Variants in RELN observed in about 807,000 individuals in gnomAD.
RELN encodes the protein reelin.
RELN carries 108 observed loss-of-function variants against 427.6 expected under a neutral mutation model. The observed-to-expected ratio is 0.25, with a 90% CI of 0.22 to 0.30. RELN has a LOEUF of 0.30. Ranked by LOEUF, RELN falls within the 10% of genes least tolerant of loss-of-function variation. The pLI is 1.00. For missense variants in RELN, 3,715 were observed against 4,302.8 expected, an observed-to-expected ratio of 0.86 and a Z score of 3.82; for synonymous variants, 1,524 against 1,513.4, an observed-to-expected ratio of 1.01 and a Z score of -0.16.
intron 1 of RELN, among the ~76,000 whole-genome samples, chr7:103,937,907 G>GAC (rs1796021868): frequency 6.6e-6 from 1 of 152,188 alleles, no homozygotes; most frequent in Non-Finnish European, 1.5e-5. Context: ...GGCAAATAGA[G>GAC]ATATATCTGA....
Position 103,989,107 on chromosome 7 carries a change from G to A in RELN, c.226+24C>T. On this transcript the variant is annotated intron_variant, in intron 1 of 64. Coordinates refer to ENST00000428762, the MANE Select transcript of RELN (RefSeq NM_005045.4). The surrounding 1 kb of genome is among the most constrained non-coding windows in gnomAD (Gnocchi z 4.9). Reference sequence around the variant, plus strand: ...TGGCGGGCGCACCCGGCGGCGGCGAGCGCGGAGGTGCTGCGGTACCTACCA... The same window carrying A: ...TGGCGGGCGCACCCGGCGGCGGCGAACGCGGAGGTGCTGCGGTACCTACCA... 1.2e-6 allele frequency: 2 copies of A among 1,606,364 alleles called. No individual in the cohort carries two copies. The highest frequency in any genetic ancestry group is 1.7e-6 in the Non-Finnish European group (2 of 1,174,082).
intron 41 of RELN, among the ~76,000 whole-genome samples, chr7:103,548,265 A>G (rs1048985556): frequency 6.6e-6 from 1 of 152,242 alleles, no homozygotes; most frequent in Non-Finnish European, 1.5e-5. Flanking sequence ...AGAACATTTA[A>G]TACACTTTTT....
intron 49 of RELN, among the ~76,000 whole-genome samples, chr7:103,517,130 A>G (rs893609952): frequency 1.1e-4 from 16 of 148,836 alleles, no homozygotes; most frequent in African/African-American, 2.5e-4. Context: ...TCCGAAGTCT[A>G]TTTCCTCATT....
intron 12 of RELN, among the ~76,000 whole-genome samples, chr7:103,658,944 C>T (rs891639645): frequency 1.3e-5 from 2 of 151,786 alleles, no homozygotes; most frequent in African/African-American, 2.4e-5. Flanking sequence ...TCTCAGTCTC[C>T]TTTACTACTA....
intron 51 of RELN, among the ~76,000 whole-genome samples, chr7:103,508,292 A>G (rs1389534729): frequency 6.6e-6 from 1 of 152,190 alleles, no homozygotes; most frequent in East Asian, 1.9e-4. Flanking sequence ...TTGATAAAAT[A>G]CTGGCAAACC....
intron 1 of RELN, among the ~76,000 whole-genome samples, chr7:103,967,139 T>C (rs961949548): frequency 6.6e-6 from 1 of 152,158 alleles, no homozygotes; most frequent in South Asian, 2.1e-4. Context: ...GTGGTTATGC[T>C]ACATACAAGA....
intron 45 of RELN, among the ~76,000 whole-genome samples, chr7:103,536,073 A>G (rs1830044074): frequency 6.6e-6 from 1 of 152,084 alleles, no homozygotes; most frequent in South Asian, 2.1e-4. Flanking sequence ...CTGACCAACT[A>G]ATGTCAATTT....
At chr7:103,742,632 T>G (rs925399723) in intron 6 of RELN, among the ~76,000 whole-genome samples, 39 of 152,106 alleles carry the variant, frequency 2.6e-4, no homozygotes, top group African/African-American at 9.2e-4. Flanking sequence ...GAAGCCTCAG[T>G]AGCCAATGCG....
At chr7:103,506,717 C>A (rs926041824) in intron 51 of RELN, among the ~76,000 whole-genome samples, 3 of 152,262 alleles carry the variant, frequency 2.0e-5, no homozygotes, top group South Asian at 2.1e-4. Context: ...ACAATATTAA[C>A]CTTAAATGTA....
chr7:103,563,892 GAGGAGCAATAGGCTATATC>G lies in RELN; in HGVS notation c.5210+1367_5210+1385del. On this transcript the variant is annotated intron_variant, in intron 34 of 64. Coordinates refer to ENST00000428762, the MANE Select transcript of RELN (RefSeq NM_005045.4). The surrounding 1 kb of genome is among the most constrained non-coding windows in gnomAD (Gnocchi z 4.1). ...CAATATGCTGTACAGCTTTGTAGCT[GAGGAGCAATAGGCTATATC>G]ATACAGCATAGGTGTGTAATAGGCT... is the stretch of plus-strand genomic sequence containing the variant. Among the ~76,000 whole-genome samples the G allele has an allele frequency of 6.6e-6, 1 of 152,310 alleles. No individual in the cohort carries two copies. The highest frequency in any genetic ancestry group is 6.5e-5 in the Admixed American group (1 of 15,294).
intron 1 of RELN, among the ~76,000 whole-genome samples, chr7:103,932,273 A>G (rs2116711359): frequency 6.6e-6 from 1 of 152,348 alleles, no homozygotes; most frequent in African/African-American, 2.4e-5. Context: ...ATCCTTAGCA[A>G]ACTAATGCAG....
chr7:103,621,958 G>A (rs1832228998), intron 20 of RELN, among the ~76,000 whole-genome samples: 1 of 152,164 alleles, frequency 6.6e-6, no homozygotes. Flanking sequence ...AGAGGTTGTA[G>A]TGAGCTGAGA....
chr7:103,482,106 C>G (rs1400821990), intron 63 of RELN: 2 of 152,124 alleles, frequency 1.3e-5, no homozygotes, highest in Non-Finnish European at 1.5e-5. Context: ...CTTAAATTTG[C>G]TTGCAAATTG....
At chr7:103,865,694 G>A (rs530583077) in intron 2 of RELN, among the ~76,000 whole-genome samples, 2 of 152,120 alleles carry the variant, frequency 1.3e-5, no homozygotes, top group African/African-American at 2.4e-5. Flanking sequence ...GACAAAATCC[G>A]AAATTCTTTC....
chr7:103,892,887 C>A (rs1794880355), intron 2 of RELN, among the ~76,000 whole-genome samples: 1 of 152,072 alleles, frequency 6.6e-6, no homozygotes, highest in Non-Finnish European at 1.5e-5. Flanking sequence ...TCACTAATCT[C>A]TATTCACAAA....
chr7:103,537,993 G>T (rs1562878370), intron 45 of RELN, among the ~76,000 whole-genome samples: 2 of 152,174 alleles, frequency 1.3e-5, no homozygotes, highest in African/African-American at 4.8e-5. Flanking sequence ...TGGAACACTT[G>T]ATTTACTGGA....
At chr7:103,601,534 G>C (rs1286969160) in intron 24 of RELN, among the ~76,000 whole-genome samples, 1 of 152,156 alleles carries the variant, frequency 6.6e-6, no homozygotes, top group African/African-American at 2.4e-5. Context: ...CTGTCTACGT[G>C]TTACATGCTG....
At chr7:103,551,921 T>TTC in intron 40 of RELN, among the ~76,000 whole-genome samples, 1 of 145,842 alleles carries the variant, frequency 6.9e-6, no homozygotes, top group African/African-American at 2.6e-5. Context: ...CATAGTTACC[T>TTC]TCTGTGTGTG....
At chr7:103,838,237 A>T (rs1793462004) in intron 2 of RELN, among the ~76,000 whole-genome samples, 1 of 148,200 alleles carries the variant, frequency 6.7e-6, no homozygotes, top group South Asian at 2.1e-4. Context: ...AAAAAAAAGA[A>T]GTAATTTCTG....
Sources: allele counts gnomAD v4.1 joint callset (sites outside exome capture counted in the v4.1 genomes callset), GRCh38; gene constraint gnomAD v4.1.1; non-coding constraint Gnocchi (gnomAD v3.1); transcripts MANE v1.5; gene names NCBI Gene and HGNC (gene_info 2026-07-23, HGNC 2026-07-21).